The following SLIT3 variants were observed in gnomAD, a reference collection of about 807,000 sequenced individuals.
The protein encoded by SLIT3 is slit guidance ligand 3.
In SLIT3, 68 loss-of-function variants were observed where a neutral mutation model predicts 184.0. The observed-to-expected ratio is 0.37, with a 90% CI of 0.30 to 0.45. The LOEUF (loss-of-function observed/expected upper bound fraction) is 0.45. Among genes scored for constraint, SLIT3 ranks in the 20% least tolerant of loss-of-function variants. The pLI, the probability that SLIT3 is intolerant of heterozygous loss-of-function variation, is 1.00. For synonymous variants in SLIT3, 831 were observed against 828.6 expected (o/e 1.00, Z -0.05); for missense variants, 1,707 against 2,026.0 (o/e 0.84, Z 3.02).
chr5:168,964,578 C>T (rs752523001), intron 4 of SLIT3, among the ~76,000 whole-genome samples: 1 of 152,192 alleles, frequency 6.6e-6, no homozygotes, highest in Non-Finnish European at 1.5e-5. Context: ...AAACTTACTG[C>T]GTATAAATAA....
intron 4 of SLIT3, among the ~76,000 whole-genome samples, chr5:169,103,959 CTG>C (rs1407480564): frequency 1.3e-5 from 2 of 152,196 alleles, no homozygotes; most frequent in Non-Finnish European, 2.9e-5. Context: ...CCAGACCCGT[CTG>C]TGAACTCCAG....
At chr5:169,023,959 G>A (rs1282796314) in intron 4 of SLIT3, 1 of 152,212 alleles carries the variant, frequency 6.6e-6, no homozygotes, top group Non-Finnish European at 1.5e-5. Flanking sequence ...TGGAGAATGT[G>A]ATTCTGCCAG....
intron 3 of SLIT3, among the ~76,000 whole-genome samples, chr5:169,210,999 C>T (rs921403546): frequency 6.6e-6 from 1 of 152,124 alleles, no homozygotes. Flanking sequence ...GCTTGAGTGA[C>T]TTGGCTTGAT....
chr5:169,252,775 G>T (rs1193246795), intron 1 of SLIT3, among the ~76,000 whole-genome samples: 1 of 152,072 alleles, frequency 6.6e-6, no homozygotes, highest in Non-Finnish European at 1.5e-5. Flanking sequence ...GCTTCCTAAA[G>T]ATGCCACCCT....
intron 4 of SLIT3, among the ~76,000 whole-genome samples, chr5:169,160,378 T>C (rs17735153): frequency 0.025 from 3,857 of 152,354 alleles, 218 homozygotes; most frequent in East Asian, 0.23. Context: ...TATTAACCTT[T>C]ATTTACAGTG....
Position 169,035,856 on chromosome 5 carries a change from T to C in SLIT3, c.414-152520A>G, listed in dbSNP as rs866823535. Among the ~76,000 whole-genome samples the C allele has an allele frequency of 4.8e-3, 735 of 152,242 alleles. 2 individuals are homozygous for C. The highest frequency in any genetic ancestry group is 0.017 in the Middle Eastern group (5 of 294). ...AAATTTCTATCCTTTCTTGATGGTT[T>C]TCTACTTGAAACAGTTAATATCGTA... On this transcript the variant is annotated intron_variant, in intron 4 of 35. Coordinates refer to ENST00000519560, the MANE Select transcript of SLIT3 (RefSeq NM_003062.4).
chr5:169,207,007 G>A (rs2113501179), intron 3 of SLIT3, among the ~76,000 whole-genome samples: 1 of 150,672 alleles, frequency 6.6e-6, no homozygotes, highest in South Asian at 2.1e-4. Flanking sequence ...TTTTCAGATT[G>A]CATTGTCACT....
At chr5:169,162,436 C>T (rs868641878) in intron 4 of SLIT3, among the ~76,000 whole-genome samples, 1 of 152,192 alleles carries the variant, frequency 6.6e-6, no homozygotes, top group Non-Finnish European at 1.5e-5. Flanking sequence ...ACAAAGTGAA[C>T]ATGAGCTGCT....
At chr5:168,755,355 G>T (rs1162529260) in intron 16 of SLIT3, among the ~76,000 whole-genome samples, 2 of 146,562 alleles carry the variant, frequency 1.4e-5, no homozygotes, top group Non-Finnish European at 3.0e-5. Flanking sequence ...TTTGCTTAAA[G>T]TGAGCTTGGT....
chr5:169,274,002 C>T (rs952090019), intron 1 of SLIT3, among the ~76,000 whole-genome samples: 9 of 152,198 alleles, frequency 5.9e-5, no homozygotes, highest in African/African-American at 2.2e-4. Context: ...AGGGGAACAA[C>T]AAAGGCAGAA....
intron 4 of SLIT3, among the ~76,000 whole-genome samples, chr5:169,114,030 G>A (rs532534498): frequency 1.3e-5 from 2 of 152,112 alleles, no homozygotes; most frequent in Admixed American, 6.5e-5. Flanking sequence ...CTCAATAAGC[G>A]TCAGCTACTG....
intron 4 of SLIT3, among the ~76,000 whole-genome samples, chr5:169,004,290 A>G (rs1755830678): frequency 6.6e-6 from 1 of 152,188 alleles, no homozygotes; most frequent in African/African-American, 2.4e-5. Flanking sequence ...CGGTTCTGCC[A>G]TGCCCAGAGG....
At chr5:169,178,507 C>T (rs58136454) in intron 4 of SLIT3, among the ~76,000 whole-genome samples, 4,095 of 152,202 alleles carry the variant, frequency 0.027, 232 homozygotes, top group East Asian at 0.24. Flanking sequence ...GTCACACGTG[C>T]GATCAGAGAT....
chr5:168,971,699 G>A (rs951485690), intron 4 of SLIT3, among the ~76,000 whole-genome samples: 5 of 152,222 alleles, frequency 3.3e-5, no homozygotes, highest in African/African-American at 1.2e-4. Flanking sequence ...ATGTGCAGAT[G>A]TCCACAGCAA....
chr5:169,113,935 T>C (rs912478618), intron 4 of SLIT3, among the ~76,000 whole-genome samples: 1 of 152,168 alleles, frequency 6.6e-6, no homozygotes, highest in African/African-American at 2.4e-5. Context: ...ATTACAAGCA[T>C]AAGCCACTGT....
chr5:169,249,629 G>C (rs1450421688), intron 2 of SLIT3, among the ~76,000 whole-genome samples: 2 of 152,162 alleles, frequency 1.3e-5, no homozygotes, highest in African/African-American at 2.4e-5. Context: ...AGGTAAACAA[G>C]CATCTATTTT....
intron 26 of SLIT3, among the ~76,000 whole-genome samples, chr5:168,702,213 G>A (rs1182163936): frequency 6.6e-6 from 1 of 152,196 alleles, no homozygotes; most frequent in Non-Finnish European, 1.5e-5. Flanking sequence ...CCACTTTGCC[G>A]AGCACATTTT....
intron 5 of SLIT3, among the ~76,000 whole-genome samples, chr5:168,863,504 T>G (rs1423481100): frequency 1.3e-5 from 2 of 152,108 alleles, no homozygotes; most frequent in Non-Finnish European, 2.9e-5. Context: ...TTCCCCTCAT[T>G]CAAAACTGAC....
intron 4 of SLIT3, among the ~76,000 whole-genome samples, chr5:168,889,187 A>G (rs1581180984): frequency 6.6e-6 from 1 of 152,206 alleles, no homozygotes; most frequent in East Asian, 1.9e-4. Flanking sequence ...TGTGGACTTC[A>G]GGGAAGATTT....
Sources: gnomAD v4.1 joint callset for allele counts (sites outside exome capture counted in the v4.1 genomes callset) on GRCh38, gnomAD v4.1.1 for gene constraint, MANE v1.5 for transcripts, NCBI Gene and HGNC (gene_info 2026-07-23, HGNC 2026-07-21) for gene names.